SRMS: variants seen among roughly 807,000 people sequenced by gnomAD.
SRMS encodes src-related kinase lacking C-terminal regulatory tyrosine and N-terminal myristylation sites.
SRMS carries 42 observed loss-of-function variants against 43.5 expected under a neutral mutation model. That is an observed-to-expected ratio of 0.97 (90% CI 0.75 to 1.25). The LOEUF is 1.25. Among genes scored for constraint, SRMS ranks in the 50% most tolerant of loss-of-function variants. SRMS has a pLI of 0.00. For missense variants in SRMS, 703 were observed against 681.0 expected (o/e 1.03, Z -0.36); for synonymous variants, 316 against 308.2 (o/e 1.03, Z -0.27).
intron 3 of SRMS, among the ~76,000 whole-genome samples, chr20:63,543,045 TC>T (rs2082712868): frequency 6.6e-6 from 1 of 152,042 alleles, no homozygotes; most frequent in African/African-American, 2.4e-5. Context: ...TCCTGGCTGC[TC>T]CCCTGCAGAG....
chr20:63,544,408 T>C (rs2082720359), intron 1 of SRMS, 60 bp from the exon 2 acceptor site: 2 of 1,412,574 alleles, frequency 1.4e-6, no homozygotes, highest in Non-Finnish European at 1.8e-6. Flanking sequence ...CCCCACATGC[T>C]CTCCTCCGTG....
At position 63,539,452 on chromosome 20, in the gene SRMS, T is replaced by C. The variant is rs569860909; in HGVS notation, c.*1366A>G. Among the ~76,000 whole-genome samples, 116 of 152,356 alleles carry C rather than the reference T, an allele frequency of 7.6e-4. 3 individuals are homozygous for C. The South Asian group carries it at 0.024, about 31-fold the overall frequency. ...CACTTCGGCTCAGCAGGTACAGAGC[T>C]GACCCCAACTCTAGGGGACAAGGAC... On this transcript the variant is annotated 3_prime_UTR_variant, in exon 8 of 8. Coordinates refer to ENST00000217188, the MANE Select transcript of SRMS (RefSeq NM_080823.4).
In SRMS at chr20:63,540,167, C is replaced by T. The variant is rs1569016187; in HGVS notation, c.*651G>A. On this transcript the variant is annotated 3_prime_UTR_variant, in exon 8 of 8. Coordinates refer to ENST00000217188, the MANE Select transcript of SRMS (RefSeq NM_080823.4). ...TGGGTCAGTCCCGGCTTACTGAGTGCTGTGTGCGTGAGTGGGTTTGTGCAC... is the reference window on the plus strand; with the variant it reads ...TGGGTCAGTCCCGGCTTACTGAGTGTTGTGTGCGTGAGTGGGTTTGTGCAC... Among the ~76,000 whole-genome samples the T allele has an allele frequency of 6.6e-6, 1 of 152,228 alleles. No homozygotes were observed. The highest frequency in any genetic ancestry group is 1.5e-5 in the Non-Finnish European group (1 of 68,040).
Position 63,547,605 on chromosome 20 carries a change from T to A in SRMS, c.-142A>T. 1.4e-6 allele frequency: 1 copy of A among 740,176 alleles called. No homozygotes were observed. The highest frequency in any genetic ancestry group is 2.0e-6 in the Non-Finnish European group (1 of 488,972). The allele number at this position is 740,176 out of a possible 1,614,324, so 45.9% of individuals were successfully genotyped here. On this transcript the variant is annotated 5_prime_UTR_variant, in exon 1 of 8. Transcript: ENST00000217188. ...CAGGGGACCCCGGCCCTGCGGTCAC[T>A]CAGAGGTCCCCTGGATCCAGGAGGC... is the stretch of plus-strand genomic sequence containing the variant.
In SRMS at chr20:63,538,737, C is replaced by T. The variant is rs554188019; in HGVS notation, c.*2081G>A. Among the ~76,000 whole-genome samples, 141 of 151,042 alleles carry T rather than the reference C, an allele frequency of 9.3e-4. No homozygotes were observed. The highest frequency in any genetic ancestry group is 3.3e-3 in the African/African-American group (135 of 41,020). On this transcript the variant is annotated 3_prime_UTR_variant, in exon 8 of 8. Coordinates refer to ENST00000217188, the MANE Select transcript of SRMS (RefSeq NM_080823.4). Reference sequence around the variant, plus strand: ...GGGGAGGGGTGGGGGGTGGGGAATGCGGAAGGAGGGTGCCGGGGCACCTGG... The same window carrying T: ...GGGGAGGGGTGGGGGGTGGGGAATGTGGAAGGAGGGTGCCGGGGCACCTGG...
chr20:63,547,580 CA>C lies in SRMS; in HGVS notation c.-118del. 1 of 981,812 alleles carries C rather than the reference CA, an allele frequency of 1.0e-6. No homozygotes were observed. The highest frequency in any genetic ancestry group is 3.5e-5 in the Admixed American group (1 of 28,680). 60.8% of individuals were successfully genotyped at this position (981,812 alleles called of 1,614,324 possible). On this transcript the variant is annotated 5_prime_UTR_variant, in exon 1 of 8. Coordinates refer to ENST00000217188, the MANE Select transcript of SRMS (RefSeq NM_080823.4). ...GCTCCCTGCCCTGGCCGTGGGGTGA[CA>C]GGGGACCCCGGCCCTGCGGTCACTC... is the stretch of plus-strand genomic sequence containing the variant.
rs1403176726 is a variant in SRMS, at chr20:63,544,342, G to A, written c.363C>T (p.Tyr121=). ...SPETLSDQPW[Y]FSGVSRTQAQ... ...CCTGGGTCCGACTGACCCCGCTAAA[G>A]TACCAGCTGCAAACAGCAGGTGCGG... The change falls in exon 2 of 8, where the codon TAC becomes TAT. Residue 121 remains tyrosine, a synonymous_variant. Coordinates refer to ENST00000217188, the MANE Select transcript of SRMS (RefSeq NM_080823.4). 1 of 1,471,138 alleles carries A rather than the reference G, an allele frequency of 6.8e-7. No homozygotes were observed. Among genetic ancestry groups the A allele is most frequent in the Admixed American group, 2.9e-5 (1 of 35,044 alleles). The allele number at this position is 1,471,138 out of a possible 1,614,324, so 91.1% of individuals were successfully genotyped here.
intron 3 of SRMS, 148 bp from the exon 4 acceptor site, chr20:63,542,729 C>CAGGCTTGG (rs2082711776): frequency 9.1e-7 from 1 of 1,104,156 alleles, no homozygotes. Flanking sequence ...GAGTGGGTGC[C>CAGGCTTGG]AGGCTTGGAG....
chr20:63,542,439 C>T lies in SRMS; in HGVS notation c.787+1G>A, dbSNP rs150293056. 5.0e-6 allele frequency: 8 copies of T among 1,610,824 alleles called. No homozygotes were observed. In the African/African-American group the frequency reaches 6.7e-5, roughly 13 times the overall value. On this transcript the variant is annotated splice_donor_variant, in intron 4 of 7. Transcript: ENST00000217188. LOFTEE classifies it high-confidence loss of function. ...CGTGGCGCAGGATCTCGGGGCCTCACCTGACTTGATGACCTTGATCGCCAC... is the reference window on the plus strand; with the variant it reads ...CGTGGCGCAGGATCTCGGGGCCTCATCTGACTTGATGACCTTGATCGCCAC...
At position 63,544,332 on chromosome 20, in the gene SRMS, C is replaced by G; in HGVS notation, c.373G>C (p.Val125Leu). 6.8e-7 allele frequency: 1 copy of G among 1,476,086 alleles called. No homozygotes were observed. The highest frequency in any genetic ancestry group is 1.5e-5 in the African/African-American group (1 of 68,440). 91.4% of individuals were successfully genotyped at this position (1,476,086 alleles called of 1,614,324 possible). A position where few individuals can be genotyped will look rare whatever the true frequency, so the allele number is the denominator to read the frequency against. ...LSDQPWYFSG[V>L]SRTQAQQLLL... ...AGCTGCTGTGCCTGGGTCCGACTGA[C>G]CCCGCTAAAGTACCAGCTGCAAACA... The change falls in exon 2 of 8, where the codon GTC becomes CTC. Residue 125 changes from valine to leucine, a missense_variant. Coordinates refer to ENST00000217188, the MANE Select transcript of SRMS (RefSeq NM_080823.4).
rs1349241912 is a variant in SRMS, at chr20:63,544,304, AG to A, written c.400del (p.Leu134SerfsTer70). Reference protein sequence around the residue: ...GVSRTQAQQLLLSPPNEPGAF... With the variant: ...GVSRTQAQQLXLSPPNEPGAF... ...CCCTGGTTCGTTGGGTGGGGAGAGG[AG>A]CAGCTGCTGTGCCTGGGTCCGACTG... On this transcript the variant is annotated frameshift_variant, in exon 2 of 8. Coordinates refer to ENST00000217188, the MANE Select transcript of SRMS (RefSeq NM_080823.4). LOFTEE classifies it high-confidence loss of function. The A allele has an allele frequency of 1.3e-6, 2 of 1,484,730 alleles. No homozygotes were observed. Among genetic ancestry groups the A allele is most frequent in the Non-Finnish European group, 1.8e-6 (2 of 1,118,794 alleles). The allele number at this position is 1,484,730 out of a possible 1,614,324, so 92.0% of individuals were successfully genotyped here. A position where few individuals can be genotyped will look rare whatever the true frequency, so the allele number is the denominator to read the frequency against.
rs310647 is a variant in SRMS at position 63,538,738 on chromosome 20, G to A, written c.*2080C>T. On this transcript the variant is annotated 3_prime_UTR_variant, in exon 8 of 8. Coordinates refer to ENST00000217188, the MANE Select transcript of SRMS (RefSeq NM_080823.4). ...GGGAGGGGTGGGGGGTGGGGAATGCGGAAGGAGGGTGCCGGGGCACCTGGC... is the reference window on the plus strand; with the variant it reads ...GGGAGGGGTGGGGGGTGGGGAATGCAGAAGGAGGGTGCCGGGGCACCTGGC... Among the ~76,000 whole-genome samples the A allele has an allele frequency of 0.21, 29,867 of 144,910 alleles. 8,523 individuals are homozygous for A. The highest frequency in any genetic ancestry group is 0.67 in the African/African-American group (23,932 of 35,656).
chr20:63,541,982 C>A (rs2082706599), intron 5 of SRMS, among the ~76,000 whole-genome samples, 181 bp downstream of exon 5: 1 of 152,256 alleles, frequency 6.6e-6, no homozygotes, highest in South Asian at 2.1e-4. Context: ...CTGGCCCAGA[C>A]CTGACGCCAG....
At chr20:63,542,670 C>T in intron 3 of SRMS, 89 bp from the exon 4 acceptor site, 1 of 1,435,788 alleles carries the variant, frequency 7.0e-7, no homozygotes, top group Non-Finnish European at 9.2e-7. Flanking sequence ...CTCTGGCGGG[C>T]ACCCCTGTCC....
At position 63,538,620 on chromosome 20, in the gene SRMS, G is replaced by A. The variant is rs1203936855; in HGVS notation, c.*2198C>T. On this transcript the variant is annotated 3_prime_UTR_variant, in exon 8 of 8. Transcript: ENST00000217188. ...TTTCTGGGCAGCCCAGCTCAGCGCT[G>A]ACCAAGGTGGGGAGGGGCAGCGGGG... Among the ~76,000 whole-genome samples, 3 of 151,048 alleles carry A rather than the reference G, an allele frequency of 2.0e-5. No individual in the cohort carries two copies. Among genetic ancestry groups the A allele is most frequent in the African/African-American group, 7.3e-5 (3 of 41,248 alleles).
intron 1 of SRMS, among the ~76,000 whole-genome samples, chr20:63,545,594 GAC>G (rs1415800286): frequency 2.6e-5 from 4 of 152,246 alleles, no homozygotes; most frequent in African/African-American, 4.8e-5. Context: ...CTGCCCCGGT[GAC>G]CTAGGGGGCA....
chr20:63,547,411 T>C lies in SRMS; in HGVS notation c.53A>G (p.Lys18Arg). ...CGGCTCGCCGCCCGCCGGCCAGATC[T>C]TGTCCCAGAAGAAGGACAGGAAGGC... ...RLAFLSFFWD[K>R]IWPAGGEPDH... Residue 18 changes from lysine (K) to arginine (R), a missense_variant, in exon 1 of 8, where the codon AAG becomes AGG. Transcript: ENST00000217188. 1 of 1,552,306 alleles carries C rather than the reference T, an allele frequency of 6.4e-7. No individual in the cohort carries two copies. Among genetic ancestry groups the C allele is most frequent in the Non-Finnish European group, 8.7e-7 (1 of 1,147,064 alleles).
At position 63,547,364 on chromosome 20, in the gene SRMS, G is replaced by A; in HGVS notation, c.100C>T (p.Leu34=). The part of the protein sequence containing the change: ...GEPDHGTPGS[L]DPNTDPVPTL... ...GGCACTGGGTCAGTGTTGGGGTCCA[G>A]GGACCCGGGGGTGCCATGGTCCGGC... Residue 34 remains leucine (L), a synonymous_variant, in exon 1 of 8, where the codon CTG becomes TTG. Coordinates refer to ENST00000217188, the MANE Select transcript of SRMS (RefSeq NM_080823.4). 1.3e-6 allele frequency: 2 copies of A among 1,577,926 alleles called. No individual in the cohort carries two copies. The highest frequency in any genetic ancestry group is 8.6e-7 in the Non-Finnish European group (1 of 1,162,028).
intron 2 of SRMS, chr20:63,543,695 C>G: frequency 1.7e-6 from 1 of 577,520 alleles, no homozygotes; most frequent in Middle Eastern, 4.5e-4. Context: ...TTTCTGCTGA[C>G]GGTGTGCACA....
Sources: allele counts gnomAD v4.1 joint callset (sites outside exome capture counted in the v4.1 genomes callset), GRCh38; gene constraint gnomAD v4.1.1; transcripts MANE v1.5; gene names NCBI Gene and HGNC (gene_info 2026-07-23, HGNC 2026-07-21).